ADGRA2: variants seen among roughly 807,000 people sequenced by gnomAD.
The protein encoded by ADGRA2 is G-protein coupled receptor 124.
Under a neutral mutation model 98.7 loss-of-function variants are expected in ADGRA2, and 61 were observed. The observed-to-expected ratio is 0.62, with a 90% CI of 0.50 to 0.76. The LOEUF is 0.76. ADGRA2 is among the 30% of genes least tolerant of loss of function. ADGRA2 has a pLI of 0.00. For missense variants in ADGRA2, 1,712 were observed against 1,860.0 expected, an observed-to-expected ratio of 0.92 and a Z score of 1.46; for synonymous variants, 858 against 831.5, an observed-to-expected ratio of 1.03 and a Z score of -0.55.
At position 37,842,358 on chromosome 8, in the gene ADGRA2, T is replaced by C. The variant is rs746454006; in HGVS notation, c.*3T>C. ...GGAAGAGCGAAACTACCGTCTAAGG[T>C]GGGGCGGGCGACGCGGTAGACGGGC... On this transcript the variant is annotated 3_prime_UTR_variant, in exon 19 of 19. Transcript: ENST00000412232. The C allele has an allele frequency of 6.8e-7, 1 of 1,464,858 alleles. No individual in the cohort carries two copies. The highest frequency in any genetic ancestry group is 2.7e-5 in the Admixed American group (1 of 37,020). 90.7% of individuals were successfully genotyped at this position (1,464,858 alleles called of 1,614,324 possible). A position where few individuals can be genotyped will look rare whatever the true frequency, so the allele number is the denominator to read the frequency against.
intron 2 of ADGRA2, among the ~76,000 whole-genome samples, chr8:37,815,328 C>T (rs990976903): frequency 3.3e-5 from 5 of 152,228 alleles, no homozygotes; most frequent in Non-Finnish European, 5.9e-5. Flanking sequence ...CAGCTTAAAG[C>T]GACTGACTGC....
At chr8:37,809,983 C>T (rs1804780642) in intron 1 of ADGRA2, among the ~76,000 whole-genome samples, 1 of 152,142 alleles carries the variant, frequency 6.6e-6, no homozygotes, top group Non-Finnish European at 1.5e-5. Context: ...CTGCTGCCGC[C>T]CTGCACACTG....
chr8:37,822,622 AC>A (rs1302703562), intron 2 of ADGRA2, among the ~76,000 whole-genome samples: 1 of 151,034 alleles, frequency 6.6e-6, no homozygotes, highest in African/African-American at 2.4e-5. Context: ...TCATTCCTCC[AC>A]CCCCTCTTCC....
rs1805585311 is a variant in ADGRA2 at position 37,835,553 on chromosome 8, G to C, written c.1834-1G>C. The stretch of plus-strand genomic sequence containing the variant: ...TCTGAGGAGCTCCTATGTCCCCCCA[G>C]AACAGCGTGGCCCTGGCCTCCATCC... On this transcript the variant is annotated splice_acceptor_variant, in intron 12 of 18. Transcript: ENST00000412232. LOFTEE classifies it high-confidence loss of function. The C allele has an allele frequency of 1.2e-6, 2 of 1,606,614 alleles. No individual in the cohort carries two copies. The highest frequency in any genetic ancestry group is 1.7e-6 in the Non-Finnish European group (2 of 1,173,256).
intron 17 of ADGRA2, 43 bp from the exon 18 acceptor site, chr8:37,840,717 C>T (rs1805762127): frequency 2.0e-6 from 2 of 1,006,762 alleles, no homozygotes; most frequent in East Asian, 4.7e-5. Flanking sequence ...TCTTCCCTTC[C>T]CTTTCCCCAT....
chr8:37,836,097 A>ACACACCCC lies in ADGRA2; in HGVS notation c.2050+328_2050+329insACACCCCC, dbSNP rs1245868623. The stretch of plus-strand genomic sequence containing the variant: ...CACACACACACACACACACACACAC[A>ACACACCCC]CCCCACAGGCCCAATGCAGACAAGT... On this transcript the variant is annotated intron_variant, in intron 13 of 18. Coordinates refer to ENST00000412232, the MANE Select transcript of ADGRA2 (RefSeq NM_032777.10). 7.6e-4 allele frequency among the ~76,000 whole-genome samples: 83 copies of ACACACCCC among 108,744 alleles called. 3 individuals carry two copies. Among genetic ancestry groups the ACACACCCC allele is most frequent in the African/African-American group, 3.1e-3 (83 of 27,138 alleles). 71.3% of individuals were successfully genotyped at this position (108,744 alleles called of 152,430 possible). A position where few individuals can be genotyped will look rare whatever the true frequency, so the allele number is the denominator to read the frequency against.
rs1805877355 is a variant in ADGRA2, at chr8:37,843,489, C to T, written c.*1134C>T. The stretch of plus-strand genomic sequence containing the variant: ...CCTATGCCTTTACTCCTTTTAAACA[C>T]CAGCACCCGTCTTTTCCCCAACCTA... On this transcript the variant is annotated 3_prime_UTR_variant, in exon 19 of 19. Transcript: ENST00000412232. The T allele has an allele frequency of 1.3e-5, 2 of 152,276 alleles. No individual in the cohort carries two copies. The highest frequency in any genetic ancestry group is 4.8e-5 in the African/African-American group (2 of 41,462). 9.4% of individuals were successfully genotyped at this position (152,276 alleles called of 1,614,324 possible).
intron 9 of ADGRA2, 77 bp downstream of exon 9, chr8:37,833,285 G>T (rs1330217829): frequency 5.0e-6 from 6 of 1,192,800 alleles, no homozygotes; most frequent in Non-Finnish European, 7.0e-6. Flanking sequence ...AACGGGCAAG[G>T]GGAGCCCTAT....
In ADGRA2 at chr8:37,835,317, C is replaced by T. The variant is rs763323256; in HGVS notation, c.1752C>T (p.Pro584=). The T allele has an allele frequency of 4.8e-5, 77 of 1,613,494 alleles. No homozygotes were observed. Among genetic ancestry groups the T allele is most frequent in the Non-Finnish European group, 5.8e-5 (69 of 1,179,980 alleles). Residue 584 remains proline, a synonymous_variant, in exon 12 of 19, where the codon CCC becomes CCT. Coordinates refer to ENST00000412232, the MANE Select transcript of ADGRA2 (RefSeq NM_032777.10). ...CTGGCCAGAACCCCCCACCTGAGCC[C>T]GAGCCCCCAGCTGACCAGCAGCTCC... ...GSPGQNPPPE[P]EPPADQQLRF...
rs1354551018 is a variant in ADGRA2, at chr8:37,843,861, GA to G, written c.*1509del. ...GCTGGGGAAAGGGGAGGGAGGGAAT[GA>G]AAGTGCCAAAGAAAACATGTTTTTA... is the stretch of plus-strand genomic sequence containing the variant. On this transcript the variant is annotated 3_prime_UTR_variant, in exon 19 of 19. Coordinates refer to ENST00000412232, the MANE Select transcript of ADGRA2 (RefSeq NM_032777.10). 6.5e-6 allele frequency: 1 copy of G among 152,832 alleles called. No homozygotes were observed. The highest frequency in any genetic ancestry group is 1.5e-5 in the Non-Finnish European group (1 of 68,178). 9.5% of individuals were successfully genotyped at this position (152,832 alleles called of 1,614,324 possible). A position where few individuals can be genotyped will look rare whatever the true frequency, so the allele number is the denominator to read the frequency against.
chr8:37,804,100 GACACACACACACACACACACAC>G (rs60565183), intron 1 of ADGRA2, among the ~76,000 whole-genome samples: 37 of 107,196 alleles, frequency 3.5e-4, no homozygotes, highest in Non-Finnish European at 5.7e-4. Flanking sequence ...CCCACGGTGA[GACACACACACACACACACACAC>G]ACACACACAC....
At position 37,802,727 on chromosome 8, in the gene ADGRA2, G is replaced by A. The variant is rs1804544736; in HGVS notation, c.266+5193G>A. On this transcript the variant is annotated intron_variant, in intron 1 of 18. Transcript: ENST00000412232. This position sits in a 1 kb window ranked among gnomAD's most constrained non-coding sequence, Gnocchi z 4.7. ...TCCACCCATCCATCCTCTGGGGCCTGGAAGCCCCTCCCCTGAGAGCTCCCT... is the reference window on the plus strand; with the variant it reads ...TCCACCCATCCATCCTCTGGGGCCTAGAAGCCCCTCCCCTGAGAGCTCCCT... Among the ~76,000 whole-genome samples the A allele has an allele frequency of 6.6e-6, 1 of 152,152 alleles. No individual in the cohort carries two copies. The highest frequency in any genetic ancestry group is 6.5e-5 in the Admixed American group (1 of 15,270).
Position 37,830,902 on chromosome 8 carries a change from A to G in ADGRA2, c.911A>G (p.His304Arg). ...AGILLAESLIHDCTFITSELT... is the reference protein window; with the variant it reads ...AGILLAESLIRDCTFITSELT... Reference sequence around the variant, plus strand: ...ATCCTCCTGGCCGAGAGCCTCATCCACGACTGCACCTTCATCACCAGGTAT... The same window carrying G: ...ATCCTCCTGGCCGAGAGCCTCATCCGCGACTGCACCTTCATCACCAGGTAT... Residue 304 changes from histidine (H) to arginine (R), a missense_variant, in exon 7 of 19, where the codon CAC (histidine) becomes CGC (arginine). His to Arg is a conservative substitution (Grantham distance 29). Transcript: ENST00000412232. The surrounding 1 kb of genome is among the most constrained non-coding windows in gnomAD (Gnocchi z 4.8). 1.9e-6 allele frequency: 3 copies of G among 1,581,584 alleles called. No homozygotes were observed. Among genetic ancestry groups the G allele is most frequent in the Non-Finnish European group, 2.6e-6 (3 of 1,163,546 alleles).
intron 1 of ADGRA2, among the ~76,000 whole-genome samples, chr8:37,800,349 C>G (rs1224351708): frequency 6.6e-6 from 1 of 152,116 alleles, no homozygotes; most frequent in Non-Finnish European, 1.5e-5. Context: ...TTTTATTATG[C>G]GGATTTATGC....
chr8:37,806,748 T>C (rs890474271), intron 1 of ADGRA2, among the ~76,000 whole-genome samples: 1 of 152,042 alleles, frequency 6.6e-6, no homozygotes, highest in Non-Finnish European at 1.5e-5. Context: ...CAGGCTGGTC[T>C]CGAACTCCTG....
At chr8:37,808,431 T>C (rs1198245466) in intron 1 of ADGRA2, among the ~76,000 whole-genome samples, 1 of 152,124 alleles carries the variant, frequency 6.6e-6, no homozygotes, top group Non-Finnish European at 1.5e-5. Flanking sequence ...TGACCCTATG[T>C]CTGTGTTGGA....
At chr8:37,800,428 T>C (rs1199990497) in intron 1 of ADGRA2, among the ~76,000 whole-genome samples, 3 of 152,206 alleles carry the variant, frequency 2.0e-5, no homozygotes, top group African/African-American at 7.2e-5. Context: ...CGGTGACAAC[T>C]CCCAGACTCT....
chr8:37,828,767 C>A (rs1490456230), intron 2 of ADGRA2, 121 bp from the exon 3 acceptor site: 2 of 719,080 alleles, frequency 2.8e-6, no homozygotes, highest in African/African-American at 3.6e-5. Context: ...AGAGGTTTAG[C>A]AGGAAGTCAA....
chr8:37,831,576 C>T lies in ADGRA2; in HGVS notation c.1086C>T (p.Arg362=), dbSNP rs745729885. 19 of 1,613,580 alleles carry T rather than the reference C, an allele frequency of 1.2e-5. 1 individual carries two copies. In the Admixed American group the frequency reaches 1.5e-4, roughly 13 times the overall value. The change falls in exon 8 of 19, where the codon CGC becomes CGT. Residue 362 remains arginine, a synonymous_variant. Transcript: ENST00000412232. Reference sequence around the variant, plus strand: ...CCGCCGAGCGTGTTGCCAACAACCGCGGGGACTTCAGGTTTGGCCCACTCC... The same window carrying T: ...CCGCCGAGCGTGTTGCCAACAACCGTGGGGACTTCAGGTTTGGCCCACTCC... ...YCPAERVANN[R]GDFRWPRTLA...
Sources: allele counts gnomAD v4.1 joint callset (sites outside exome capture counted in the v4.1 genomes callset), GRCh38; gene constraint gnomAD v4.1.1; non-coding constraint Gnocchi (gnomAD v3.1); transcripts MANE v1.5; gene names NCBI Gene and HGNC (gene_info 2026-07-23, HGNC 2026-07-21).